Variants in CNTLN observed in about 807,000 individuals in gnomAD.
The protein encoded by CNTLN is centlein, centrosomal protein.
A neutral mutation model predicts 180.0 loss-of-function variants in CNTLN; 212 were observed. That is an observed-to-expected ratio of 1.18 (90% CI 1.05 to 1.32). The LOEUF (loss-of-function observed/expected upper bound fraction) is 1.32. Among genes scored for constraint, CNTLN ranks in the 40% most tolerant of loss-of-function variants. The probability of loss-of-function intolerance (pLI) is 0.00; values close to 1 mark genes in which losing one functional copy is unlikely to be tolerated. For synonymous variants in CNTLN, 722 were observed against 563.1 expected (o/e 1.28, Z -3.99); for missense variants, 2,095 against 1,610.9 (o/e 1.30, Z -5.14).
At chr9:17,340,551 TTAAC>T (rs1821397072) in intron 10 of CNTLN, among the ~76,000 whole-genome samples, 1 of 152,152 alleles carries the variant, frequency 6.6e-6, no homozygotes, top group East Asian at 1.9e-4. Flanking sequence ...TGTATACTAA[TTAAC>T]AACAGGGAAA....
At position 17,466,787 on chromosome 9, in the gene CNTLN, CAGCT is replaced by C; in HGVS notation, c.3752_3755del (p.Gln1251LeufsTer4). 6.2e-7 allele frequency: 1 copy of C among 1,610,932 alleles called. No individual in the cohort carries two copies. Among genetic ancestry groups the C allele is most frequent in the Non-Finnish European group, 8.5e-7 (1 of 1,177,882 alleles). On this transcript the variant is annotated frameshift_variant, in exon 23 of 26. Coordinates refer to ENST00000380647, the MANE Select transcript of CNTLN (RefSeq NM_017738.4). LOFTEE classifies it high-confidence loss of function. ...AGAAATTGAAACAGCAGCATCTAAG[CAGCT>C]TCAAGAATTAGCATTGCAAAGTGAA...
intron 15 of CNTLN, among the ~76,000 whole-genome samples, chr9:17,404,024 C>CT (rs2133804192): frequency 6.6e-6 from 1 of 151,850 alleles, no homozygotes; most frequent in East Asian, 1.9e-4. Flanking sequence ...GATTCACCTG[C>CT]CTCAGCCTCC....
Position 17,394,613 on chromosome 9 carries a change from A to C in CNTLN, c.2159A>C (p.Lys720Thr). The change falls in exon 15 of 26, where the codon AAA becomes ACA. Residue 720 changes from lysine to threonine, a missense_variant. By Grantham distance (78) the Lys-to-Thr change is moderately conservative (BLOSUM62 -1). Coordinates refer to ENST00000380647, the MANE Select transcript of CNTLN (RefSeq NM_017738.4). ...KLKEGNKKLM[K>T]ENDFLKSLLK... ...AAAGAAGGGAATAAAAAATTAATGAAAGAAAATGATTTTCTGAAATCCCTC... is the reference window on the plus strand; with the variant it reads ...AAAGAAGGGAATAAAAAATTAATGACAGAAAATGATTTTCTGAAATCCCTC... 1 of 1,600,872 alleles carries C rather than the reference A, an allele frequency of 6.2e-7. No homozygotes were observed. The highest frequency in any genetic ancestry group is 8.5e-7 in the Non-Finnish European group (1 of 1,176,752).
intron 3 of CNTLN, among the ~76,000 whole-genome samples, chr9:17,229,637 A>T (rs1207819905): frequency 6.6e-6 from 1 of 152,088 alleles, no homozygotes; most frequent in Non-Finnish European, 1.5e-5. Context: ...AGCCCACATT[A>T]TGAAGGGTAA....
At chr9:17,458,073 C>A (rs999709957) in intron 19 of CNTLN, among the ~76,000 whole-genome samples, 1 of 152,006 alleles carries the variant, frequency 6.6e-6, no homozygotes, top group Non-Finnish European at 1.5e-5. Flanking sequence ...TCTCTACATA[C>A]TTCCAGCAAG....
intron 2 of CNTLN, among the ~76,000 whole-genome samples, chr9:17,161,362 A>G (rs1301936722): frequency 6.6e-6 from 1 of 152,254 alleles, no homozygotes; most frequent in Non-Finnish European, 1.5e-5. Context: ...TTTCCTTGCT[A>G]TTATATATAA....
chr9:17,349,716 T>C (rs1167773400), intron 12 of CNTLN, among the ~76,000 whole-genome samples: 2 of 152,182 alleles, frequency 1.3e-5, no homozygotes, highest in African/African-American at 4.8e-5. Flanking sequence ...ATCTATCATA[T>C]CATAACTATA....
At chr9:17,329,086 A>C (rs556553034) in intron 8 of CNTLN, among the ~76,000 whole-genome samples, 132 of 152,198 alleles carry the variant, frequency 8.7e-4, no homozygotes, top group Non-Finnish European at 1.5e-3. Context: ...ATTGACGAAC[A>C]CAAGTTTGCT....
At chr9:17,394,101 ATTACT>A (rs1424324499) in intron 14 of CNTLN, among the ~76,000 whole-genome samples, 1 of 152,194 alleles carries the variant, frequency 6.6e-6, no homozygotes, top group Admixed American at 6.5e-5. Flanking sequence ...GCCTCAGTAG[ATTACT>A]TTATATTGTC....
At chr9:17,415,291 C>A (rs1828141690) in intron 16 of CNTLN, among the ~76,000 whole-genome samples, 1 of 152,028 alleles carries the variant, frequency 6.6e-6, no homozygotes, top group African/African-American at 2.4e-5. Context: ...TGTCAGAAGG[C>A]TATTAGCTTC....
intron 2 of CNTLN, among the ~76,000 whole-genome samples, chr9:17,161,609 C>T (rs904812610): frequency 5.3e-5 from 8 of 152,168 alleles, no homozygotes; most frequent in African/African-American, 1.9e-4. Context: ...ACACAAATTT[C>T]ATCCTGGCTT....
chr9:17,392,675 C>G (rs540956113), intron 14 of CNTLN, among the ~76,000 whole-genome samples: 1 of 151,866 alleles, frequency 6.6e-6, no homozygotes, highest in Non-Finnish European at 1.5e-5. Flanking sequence ...TATATCATAC[C>G]ATGGAATAGA....
At chr9:17,281,185 T>C (rs914719213) in intron 6 of CNTLN, among the ~76,000 whole-genome samples, 8 of 152,214 alleles carry the variant, frequency 5.3e-5, no homozygotes, top group African/African-American at 1.9e-4. Flanking sequence ...CTGAGAGGTA[T>C]ACTCTTCCTC....
intron 9 of CNTLN, 80 bp downstream of exon 9, chr9:17,330,888 G>C: frequency 8.1e-7 from 1 of 1,241,574 alleles, no homozygotes. Flanking sequence ...ACAAATGGCA[G>C]CATTTACTTC....
chr9:17,459,528 A>G (rs1012863009), intron 19 of CNTLN, among the ~76,000 whole-genome samples: 3 of 151,892 alleles, frequency 2.0e-5, no homozygotes, highest in African/African-American at 7.2e-5. Context: ...CTTTAAGTAC[A>G]TAATATTGTC....
chr9:17,335,982 A>G (rs1206257538), intron 10 of CNTLN, among the ~76,000 whole-genome samples: 1 of 152,142 alleles, frequency 6.6e-6, no homozygotes, highest in Non-Finnish European at 1.5e-5. Flanking sequence ...TAATTACAAA[A>G]TCCAAAGGAA....
chr9:17,459,875 C>A (rs1376252673), intron 19 of CNTLN, among the ~76,000 whole-genome samples: 1 of 151,686 alleles, frequency 6.6e-6, no homozygotes, highest in African/African-American at 2.4e-5. Flanking sequence ...TCTCCAAATA[C>A]AGTCACATTC....
chr9:17,402,330 C>T (rs1306146763), intron 15 of CNTLN, among the ~76,000 whole-genome samples: 3 of 151,680 alleles, frequency 2.0e-5, no homozygotes, highest in Admixed American at 6.6e-5. Flanking sequence ...GGACAGCCAT[C>T]GACAGCTGTA....
At chr9:17,463,866 C>G (rs1208128048) in intron 20 of CNTLN, among the ~76,000 whole-genome samples, 1 of 151,378 alleles carries the variant, frequency 6.6e-6, no homozygotes, top group Non-Finnish European at 1.5e-5. Context: ...ACATGTAAAG[C>G]ACTTATAACA....
Sources: allele counts gnomAD v4.1 joint callset (sites outside exome capture counted in the v4.1 genomes callset), GRCh38; gene constraint gnomAD v4.1.1; transcripts MANE v1.5; gene names NCBI Gene and HGNC (gene_info 2026-07-23, HGNC 2026-07-21).